The following HHIPL2 variants were observed in gnomAD, a reference collection of about 807,000 sequenced individuals.
HHIPL2 encodes HHIP like 2, also known as HHIP-like protein 2.
A neutral mutation model predicts 61.0 loss-of-function variants in HHIPL2; 61 were observed. The ratio of observed to expected loss-of-function variants is 1.00; its 90% CI spans 0.81 to 1.24. HHIPL2 has a LOEUF of 1.24. Among genes scored for constraint, HHIPL2 ranks in the 50% most tolerant of loss-of-function variants. The pLI, the probability that HHIPL2 is intolerant of heterozygous loss-of-function variation, is 0.00. For synonymous variants in HHIPL2, 343 were observed against 357.4 expected (o/e 0.96, Z 0.45); for missense variants, 885 against 910.2 (o/e 0.97, Z 0.36).
At chr1:222,537,624 T>G (rs973126911) in intron 5 of HHIPL2, among the ~76,000 whole-genome samples, 1 of 138,782 alleles carries the variant, frequency 7.2e-6, no homozygotes, top group Non-Finnish European at 1.5e-5. Flanking sequence ...AGAGCGAGAC[T>G]CCATCTCAAA....
chr1:222,535,615 G>A lies in HHIPL2; in HGVS notation c.1577+3033C>T, dbSNP rs1021035409. 6.6e-5 allele frequency among the ~76,000 whole-genome samples: 10 copies of A among 152,090 alleles called. No individual in the cohort carries two copies. In the East Asian group the frequency reaches 1.4e-3, roughly 21 times the overall value. ...TCACTCTTTCCAGCTTCTGAAGGTC[G>A]TCCCTATGCCTTGACTCATGGCCCC... On this transcript the variant is annotated intron_variant, in intron 5 of 8. Transcript: ENST00000343410.
chr1:222,532,615 C>A (rs1304689434), intron 5 of HHIPL2, among the ~76,000 whole-genome samples: 83 of 137,698 alleles, frequency 6.0e-4, no homozygotes, highest in African/African-American at 9.2e-4. Context: ...GACTTTGTCT[C>A]AAAAAAAAAA....
At chr1:222,542,236 G>T in intron 2 of HHIPL2, 81 bp from the exon 3 acceptor site, 1 of 1,512,154 alleles carries the variant, frequency 6.6e-7, no homozygotes, top group East Asian at 2.4e-5. Flanking sequence ...AGAAATGACT[G>T]GGCCAAGCCA....
chr1:222,532,482 T>C (rs1659213613), intron 5 of HHIPL2, among the ~76,000 whole-genome samples: 1 of 151,920 alleles, frequency 6.6e-6, no homozygotes, highest in Non-Finnish European at 1.5e-5. Flanking sequence ...GGCAGGGTGG[T>C]GCACACCTAT....
intron 1 of HHIPL2, among the ~76,000 whole-genome samples, chr1:222,545,872 A>G (rs2102624148): frequency 6.6e-6 from 1 of 151,804 alleles, no homozygotes; most frequent in Middle Eastern, 3.4e-3. Context: ...CACTACTAAA[A>G]ATAAAAAAAT....
intron 2 of HHIPL2, 93 bp downstream of exon 2, chr1:222,543,427 GTTCGAGTAGTGCTCTAA>G: frequency 1.8e-6 from 2 of 1,101,820 alleles, no homozygotes; most frequent in Non-Finnish European, 1.3e-6. Context: ...TTTCTCAACA[GTTCGAGTAGTGCTCTAA>G]AACCAGTGAA....
Position 222,523,654 on chromosome 1 carries a change from C to A in HHIPL2, c.1846G>T (p.Val616Leu). ...GGGATCCGCTTACTCTTGGTTCTCACGGGCACTGGCTTGTATTTGCACTTG... is the reference window on the plus strand; with the variant it reads ...GGGATCCGCTTACTCTTGGTTCTCAAGGGCACTGGCTTGTATTTGCACTTG... ...PGKCKYKPVP[V>L]RTKSKRIPFR... Residue 616 changes from valine (V) to leucine (L), a missense_variant, in exon 8 of 9, where the codon GTG (valine) becomes TTG (leucine). Transcript: ENST00000343410. The A allele has an allele frequency of 6.2e-7, 1 of 1,614,110 alleles. No individual in the cohort carries two copies. The highest frequency in any genetic ancestry group is 8.5e-7 in the Non-Finnish European group (1 of 1,180,010).
Position 222,526,899 on chromosome 1 carries a change from T to G in HHIPL2, c.1805+70A>C, listed in dbSNP as rs1029380032. The G allele has an allele frequency of 2.3e-6, 3 of 1,328,040 alleles. No homozygotes were observed. The South Asian group carries it at 3.8e-5, about 17-fold the overall frequency. The allele number at this position is 1,328,040 out of a possible 1,614,324, so 82.3% of individuals were successfully genotyped here. On this transcript the variant is annotated intron_variant, in intron 7 of 8. Transcript: ENST00000343410. ...TTTGCTTCGGGACAATGAGGACTGT[T>G]TTTATGGCCTGCCATGGAGATAAGA...
chr1:222,523,294 G>T (rs556837871), intron 8 of HHIPL2, among the ~76,000 whole-genome samples: 2 of 152,158 alleles, frequency 1.3e-5, no homozygotes, highest in Non-Finnish European at 2.9e-5. Context: ...AGTGTTCATT[G>T]CTGTATCCCT....
chr1:222,541,971 T>C, intron 3 of HHIPL2, 41 bp downstream of exon 3: 1 of 1,559,230 alleles, frequency 6.4e-7, no homozygotes, highest in Non-Finnish European at 8.6e-7. Flanking sequence ...CACCAGGGGC[T>C]CACTCTGAAG....
intron 7 of HHIPL2, chr1:222,524,957 T>C (rs1659028818): frequency 6.6e-6 from 1 of 152,210 alleles, no homozygotes; most frequent in Non-Finnish European, 1.5e-5. Flanking sequence ...TTACCTAGCC[T>C]TCAGTTTCTT....
chr1:222,547,331 C>A (rs1455046113), intron 1 of HHIPL2, among the ~76,000 whole-genome samples: 1 of 152,208 alleles, frequency 6.6e-6, no homozygotes, highest in African/African-American at 2.4e-5. Context: ...CCACTCCCTC[C>A]CTTAACGCGC....
intron 5 of HHIPL2, among the ~76,000 whole-genome samples, chr1:222,532,618 A>G (rs1361499907): frequency 6.6e-6 from 1 of 151,414 alleles, no homozygotes; most frequent in Non-Finnish European, 1.5e-5. Flanking sequence ...TTTGTCTCAA[A>G]AAAAAAAAAA....
chr1:222,531,797 T>TA (rs1659197957), intron 6 of HHIPL2, among the ~76,000 whole-genome samples, 169 bp downstream of exon 6: 2 of 152,068 alleles, frequency 1.3e-5, no homozygotes, highest in Non-Finnish European at 2.9e-5. Context: ...TGAAATAAGG[T>TA]AAAAAATGTG....
At position 222,540,343 on chromosome 1, in the gene HHIPL2, T is replaced by C; in HGVS notation, c.1119-2A>G. On this transcript the variant is annotated splice_acceptor_variant, in intron 3 of 8. Transcript: ENST00000343410. LOFTEE classifies it high-confidence loss of function. ...AAAACTTTTCCCAGCAGGGAACTTC[T>C]GAAAGAAAGAAGGCCAAGAAGCAGA... 1.3e-6 allele frequency: 2 copies of C among 1,599,420 alleles called. No individual in the cohort carries two copies. The highest frequency in any genetic ancestry group is 2.2e-5 in the South Asian group (2 of 88,892).
At chr1:222,539,980 A>C in intron 4 of HHIPL2, 30 bp downstream of exon 4, 1 of 1,590,270 alleles carries the variant, frequency 6.3e-7, no homozygotes, top group East Asian at 2.2e-5. Context: ...CAACTCATCC[A>C]AGAAATCACC....
chr1:222,532,552 T>C (rs1380517711), intron 5 of HHIPL2, among the ~76,000 whole-genome samples: 1 of 150,958 alleles, frequency 6.6e-6, no homozygotes, highest in Non-Finnish European at 1.5e-5. Flanking sequence ...ACGTGGAGGT[T>C]GCAGTGAGCC....
rs182148496 is a variant in HHIPL2, at chr1:222,543,629, C to G, written c.882G>C (p.Ser294=). ...RHNRKFYIYY[S]CLDKKKVEKI... is the part of the protein sequence containing the mutation. Reference sequence around the variant, plus strand: ...TTTCTACCTTCTTCTTGTCCAGGCACGAATAATAAATATAGAACTTGCGAT... The same window carrying G: ...TTTCTACCTTCTTCTTGTCCAGGCAGGAATAATAAATATAGAACTTGCGAT... Residue 294 remains serine (S), a synonymous_variant, in exon 2 of 9, where the codon TCG becomes TCC. Transcript: ENST00000343410. 1.2e-6 allele frequency: 2 copies of G among 1,614,066 alleles called. No homozygotes were observed. Among genetic ancestry groups the G allele is most frequent in the East Asian group, 2.2e-5 (1 of 44,872 alleles).
intron 6 of HHIPL2, among the ~76,000 whole-genome samples, chr1:222,527,868 G>T (rs1397877606): frequency 6.6e-6 from 1 of 152,076 alleles, no homozygotes; most frequent in East Asian, 1.9e-4. Context: ...CATGTAAGAG[G>T]TGCCTTTCAC....
Sources: allele counts gnomAD v4.1 joint callset (sites outside exome capture counted in the v4.1 genomes callset), GRCh38; gene constraint gnomAD v4.1.1; transcripts MANE v1.5; gene names NCBI Gene and HGNC (gene_info 2026-07-23, HGNC 2026-07-21).